Variants in DSPP observed in about 807,000 individuals in gnomAD.
DSPP encodes the protein deafness, autosomal dominant 39.
A neutral mutation model predicts 29.1 loss-of-function variants in DSPP; 28 were observed. The observed-to-expected ratio is 0.96, with a 90% CI of 0.71 to 1.32. DSPP has a LOEUF of 1.32. DSPP is among the 40% of genes most tolerant of loss of function. The probability of loss-of-function intolerance (pLI) is 0.00; values close to 1 mark genes in which losing one functional copy is unlikely to be tolerated. For synonymous variants in DSPP, 481 were observed against 503.4 expected (o/e 0.96, Z 0.60); for missense variants, 1,281 against 1,629.9 (o/e 0.79, Z 3.69).
At position 87,613,216 on chromosome 4, in the gene DSPP, A is replaced by G. The variant is rs372024122; in HGVS notation, c.1030A>G (p.Thr344Ala). ...CAATGGCAGCCAAAGAATAGAGGAC[A>G]CCCAGAAGCTCAACCATAGAGAAAG... is the stretch of plus-strand genomic sequence containing the variant. ...EDNGSQRIEDTQKLNHRESKR... is the reference protein window; with the variant it reads ...EDNGSQRIEDAQKLNHRESKR... The change falls in exon 4 of 5, where the codon ACC becomes GCC. Residue 344 changes from threonine to alanine, a missense_variant. Thr to Ala is a moderately conservative substitution (Grantham distance 58). This residue lies in a region of DSPP where 631 missense variants were observed against 643.2 expected (regional missense o/e 0.98). Transcript: ENST00000651931. 4 of 1,613,878 alleles carry G rather than the reference A, an allele frequency of 2.5e-6. No homozygotes were observed. The African/African-American group carries it at 5.3e-5, about 22-fold the overall frequency.
In DSPP at chr4:87,613,919, G is replaced by A. The variant is rs765608359; in HGVS notation, c.1257G>A (p.Glu419=). The part of the protein sequence containing the change: ...LGKGNVKTQG[E]VVNIEGPGQK... ...AAGGCAATGTCAAGACACAAGGAGA[G>A]GTTGTCAACATAGAAGGACCTGGCC... is the stretch of plus-strand genomic sequence containing the variant. The change falls in exon 5 of 5, where the codon GAG becomes GAA. Residue 419 remains glutamate (E), a synonymous_variant. Transcript: ENST00000651931. The A allele has an allele frequency of 1.2e-6, 2 of 1,614,190 alleles. No individual in the cohort carries two copies. Among genetic ancestry groups the A allele is most frequent in the Non-Finnish European group, 1.7e-6 (2 of 1,180,034 alleles).
In DSPP at chr4:87,616,764, T is replaced by G. The variant is rs188773293; in HGVS notation, c.*196T>G. Reference sequence around the variant, plus strand: ...CCTGCAGAGACAGACTCTGAATGCATGACCTTTGGTACATGCCTGTTAATA... The same window carrying G: ...CCTGCAGAGACAGACTCTGAATGCAGGACCTTTGGTACATGCCTGTTAATA... On this transcript the variant is annotated 3_prime_UTR_variant, in exon 5 of 5. Transcript: ENST00000651931. 2.5e-6 allele frequency: 2 copies of G among 812,470 alleles called. No homozygotes were observed. Among genetic ancestry groups the G allele is most frequent in the East Asian group, 5.3e-5 (2 of 37,616 alleles). 50.3% of individuals were successfully genotyped at this position (812,470 alleles called of 1,614,324 possible).
chr4:87,614,171 T>C lies in DSPP; in HGVS notation c.1509T>C (p.Asn503=). ...YNSDESKDNG[N]GSDSKGAEDD... is the part of the protein sequence containing the mutation. ...CTGATGAATCAAAAGATAATGGCAATGGCAGTGACTCAAAAGGAGCAGAAG... is the reference window on the plus strand; with the variant it reads ...CTGATGAATCAAAAGATAATGGCAACGGCAGTGACTCAAAAGGAGCAGAAG... Residue 503 remains asparagine (N), a synonymous_variant, in exon 5 of 5, where the codon AAT becomes AAC. Transcript: ENST00000651931. The C allele has an allele frequency of 6.2e-7, 1 of 1,614,218 alleles. No individual in the cohort carries two copies. Among genetic ancestry groups the C allele is most frequent in the Non-Finnish European group, 8.5e-7 (1 of 1,180,040 alleles).
At position 87,611,062 on chromosome 4, in the gene DSPP, T is replaced by TGC. The variant is rs1553903890; in HGVS notation, c.51+104_51+105dup. On this transcript the variant is annotated intron_variant, in intron 2 of 4. Transcript: ENST00000651931. ...GTGTGTGTGTGTGTGTGTGTGTGTG[T>TGC]GCATGTACATGTGTGTATATATGTG... 112 of 1,079,436 alleles carry TGC rather than the reference T, an allele frequency of 1.0e-4. No individual in the cohort carries two copies. The African/African-American group carries it at 1.6e-3, about 15-fold the overall frequency. The allele number at this position is 1,079,436 out of a possible 1,614,324, so 66.9% of individuals were successfully genotyped here.
At chr4:87,609,957 T>A (rs745731372) in intron 1 of DSPP, among the ~76,000 whole-genome samples, 2 of 152,228 alleles carry the variant, frequency 1.3e-5, no homozygotes, top group Non-Finnish European at 2.9e-5. Flanking sequence ...TCCCATAAAA[T>A]AATTGCTATC....
In DSPP at chr4:87,614,877, AACAGCAGTG is replaced by A. The variant is rs1259132162; in HGVS notation, c.2226_2234del (p.Asp748_Ser750del). On this transcript the variant is annotated inframe_deletion, in exon 5 of 5. Transcript: ENST00000651931. ...CAGCAGCGATAGCAGTGACAGCAGC[AACAGCAGTG>A]ACAGCAGTGATAGCAGTGACAGCAG... 5.6e-6 allele frequency: 7 copies of A among 1,245,928 alleles called. No homozygotes were observed. The highest frequency in any genetic ancestry group is 2.5e-5 in the East Asian group (1 of 40,784). 77.2% of individuals were successfully genotyped at this position (1,245,928 alleles called of 1,614,324 possible). A position where few individuals can be genotyped will look rare whatever the true frequency, so the allele number is the denominator to read the frequency against.
At chr4:87,610,044 C>T (rs961015434) in intron 1 of DSPP, among the ~76,000 whole-genome samples, 7 of 152,146 alleles carry the variant, frequency 4.6e-5, no homozygotes, top group African/African-American at 1.7e-4. Flanking sequence ...CAACAACATT[C>T]AGAAAACGTT....
In DSPP at chr4:87,614,306, T is replaced by C. The variant is rs777256295; in HGVS notation, c.1644T>C (p.Asp548=). 17 of 1,613,414 alleles carry C rather than the reference T, an allele frequency of 1.1e-5. No homozygotes were observed. Among genetic ancestry groups the C allele is most frequent in the Admixed American group, 1.7e-5 (1 of 59,986 alleles). ...DKSDSGKGKS[D]SSDSDSSDSS... Reference sequence around the variant, plus strand: ...CAGACAGTGGCAAAGGTAAATCAGATAGCAGTGACAGTGATAGTAGTGATA... The same window carrying C: ...CAGACAGTGGCAAAGGTAAATCAGACAGCAGTGACAGTGATAGTAGTGATA... Residue 548 remains aspartate, a synonymous_variant, in exon 5 of 5, where the codon GAT becomes GAC. Coordinates refer to ENST00000651931, the MANE Select transcript of DSPP (RefSeq NM_014208.3).
intron 1 of DSPP, among the ~76,000 whole-genome samples, chr4:87,609,687 A>G (rs908209081): frequency 3.3e-5 from 5 of 152,180 alleles, no homozygotes; most frequent in Admixed American, 3.3e-4. Context: ...AAGTTTTATT[A>G]TATTTTCACT....
intron 1 of DSPP, among the ~76,000 whole-genome samples, chr4:87,610,316 C>G (rs181271921): frequency 2.3e-4 from 35 of 152,240 alleles, no homozygotes; most frequent in Non-Finnish European, 4.0e-4. Context: ...TGTTATTATT[C>G]CAGGTGGAGG....
chr4:87,613,984 C>G lies in DSPP; in HGVS notation c.1322C>G (p.Thr441Arg), dbSNP rs1727795326. The change falls in exon 5 of 5, where the codon ACA (threonine) becomes AGA (arginine). Residue 441 changes from threonine to arginine, a missense_variant. Thr to Arg is a moderately conservative substitution (Grantham distance 71, BLOSUM62 -1). This residue lies in a region of DSPP where 631 missense variants were observed against 643.2 expected (regional missense o/e 0.98). Coordinates refer to ENST00000651931, the MANE Select transcript of DSPP (RefSeq NM_014208.3). The part of the protein sequence containing the change: ...EPGNKVGHSN[T>R]GSDSNSDGYD... ...GGAAATAAAGTTGGACACAGCAATA[C>G]AGGTAGTGACAGCAATAGTGATGGA... 1 of 1,614,174 alleles carries G rather than the reference C, an allele frequency of 6.2e-7. No homozygotes were observed. The highest frequency in any genetic ancestry group is 8.5e-7 in the Non-Finnish European group (1 of 1,180,038).
intron 2 of DSPP, 75 bp downstream of exon 2, chr4:87,611,034 T>C (rs1578139725): frequency 1.4e-6 from 1 of 709,662 alleles, no homozygotes; most frequent in East Asian, 4.2e-5. Flanking sequence ...AAATGTAGTG[T>C]GTGTGTGTGT....
intron 4 of DSPP, 104 bp from the exon 5 acceptor site, chr4:87,613,681 C>T (rs1578140516): frequency 6.6e-7 from 1 of 1,510,734 alleles, no homozygotes; most frequent in East Asian, 2.3e-5. Context: ...AGAAATGTAA[C>T]TCCTATCCCT....
intron 2 of DSPP, among the ~76,000 whole-genome samples, chr4:87,611,573 C>T (rs1727735798): frequency 6.6e-6 from 1 of 152,112 alleles, no homozygotes; most frequent in African/African-American, 2.4e-5. Context: ...CATATGCTTT[C>T]ATAATACCAA....
chr4:87,613,174 G>C lies in DSPP; in HGVS notation c.988G>C (p.Ala330Pro). 6 of 1,614,154 alleles carry C rather than the reference G, an allele frequency of 3.7e-6. No homozygotes were observed. The highest frequency in any genetic ancestry group is 4.2e-6 in the Non-Finnish European group (5 of 1,180,030). Reference sequence around the variant, plus strand: ...GACCTCCAAGAGTGAGGAGAATTCTGCTGGTATTCCAGAAGACAATGGCAG... The same window carrying C: ...GACCTCCAAGAGTGAGGAGAATTCTCCTGGTATTCCAGAAGACAATGGCAG... ...DKTSKSEENSAGIPEDNGSQR... is the reference protein window; with the variant it reads ...DKTSKSEENSPGIPEDNGSQR... Residue 330 changes from alanine to proline, a missense_variant, in exon 4 of 5, where the codon GCT (alanine) becomes CCT (proline). Physicochemically the swap from Ala to Pro is conservative, Grantham distance 27 (BLOSUM62 -1). Transcript: ENST00000651931.
chr4:87,616,674 G>T lies in DSPP; in HGVS notation c.*106G>T. 1.2e-5 allele frequency: 18 copies of T among 1,500,422 alleles called. No homozygotes were observed. Among genetic ancestry groups the T allele is most frequent in the African/African-American group, 1.4e-5 (1 of 71,506 alleles). 92.9% of individuals were successfully genotyped at this position (1,500,422 alleles called of 1,614,324 possible). A position where few individuals can be genotyped will look rare whatever the true frequency, so the allele number is the denominator to read the frequency against. ...GAAAGGGGAGAAATAAACATAAGACGTATGTAAACAAAAACAACTGGGGGA... is the reference window on the plus strand; with the variant it reads ...GAAAGGGGAGAAATAAACATAAGACTTATGTAAACAAAAACAACTGGGGGA... On this transcript the variant is annotated 3_prime_UTR_variant, in exon 5 of 5. Transcript: ENST00000651931.
At chr4:87,610,783 T>C in intron 1 of DSPP, 98 bp from the exon 2 acceptor site, 2 of 808,826 alleles carry the variant, frequency 2.5e-6, no homozygotes, top group Non-Finnish European at 2.1e-6. Context: ...ATGCTTCTTG[T>C]CCAGGAAAAG....
Position 87,612,548 on chromosome 4 carries a change from A to C in DSPP, c.362A>C (p.His121Pro), listed in dbSNP as rs1466919013. Residue 121 changes from histidine to proline, a missense_variant, in exon 4 of 5, where the codon CAT (histidine) becomes CCT (proline). Coordinates refer to ENST00000651931, the MANE Select transcript of DSPP (RefSeq NM_014208.3). ...GDTGKAETYG[H>P]DGIHGKEENI... Reference sequence around the variant, plus strand: ...ACAGGAAAAGCAGAAACATATGGTCATGATGGAATACATGGGAAAGAAGAA... The same window carrying C: ...ACAGGAAAAGCAGAAACATATGGTCCTGATGGAATACATGGGAAAGAAGAA... 3.7e-6 allele frequency: 6 copies of C among 1,614,212 alleles called. No homozygotes were observed. The highest frequency in any genetic ancestry group is 5.1e-6 in the Non-Finnish European group (6 of 1,180,016).
chr4:87,612,370 C>T lies in DSPP; in HGVS notation c.184C>T (p.His62Tyr). Residue 62 changes from histidine to tyrosine, a missense_variant, in exon 4 of 5, where the codon CAT (histidine) becomes TAT (tyrosine). His to Tyr is a moderately conservative substitution (Grantham distance 83). Transcript: ENST00000651931. ...GTIKESGVLV[H>Y]EGDRGRQENT... Reference sequence around the variant, plus strand: ...CATCAAAGAAAGTGGTGTCCTGGTGCATGAAGGTGATAGAGGAAGGCAAGA... The same window carrying T: ...CATCAAAGAAAGTGGTGTCCTGGTGTATGAAGGTGATAGAGGAAGGCAAGA... The T allele has an allele frequency of 6.2e-7, 1 of 1,613,946 alleles. No individual in the cohort carries two copies. Among genetic ancestry groups the T allele is most frequent in the Middle Eastern group, 1.6e-4 (1 of 6,062 alleles).
Sources: allele counts gnomAD v4.1 joint callset (sites outside exome capture counted in the v4.1 genomes callset), GRCh38; gene constraint gnomAD v4.1.1; regional missense constraint gnomAD v4.1.1; transcripts MANE v1.5; gene names NCBI Gene and HGNC (gene_info 2026-07-23, HGNC 2026-07-21).